The following KANSL1 variants were observed in gnomAD, a reference collection of about 807,000 sequenced individuals.
KANSL1 encodes the protein MLL1/MLL complex subunit KANSL1.
A neutral mutation model predicts 103.6 loss-of-function variants in KANSL1; 22 were observed. That is an observed-to-expected ratio of 0.21 (90% CI 0.15 to 0.30). KANSL1 has a LOEUF of 0.30. Among genes scored for constraint, KANSL1 ranks in the 10% least tolerant of loss-of-function variants. The pLI is 1.00. For synonymous variants in KANSL1, 600 were observed against 527.6 expected (o/e 1.14, Z -1.88); for missense variants, 1,337 against 1,399.8 (o/e 0.96, Z 0.72).
intron 6 of KANSL1, among the ~76,000 whole-genome samples, chr17:46,051,899 G>C (rs1390077975): frequency 1.3e-5 from 2 of 152,220 alleles, no homozygotes; most frequent in Admixed American, 1.3e-4. Context: ...ACCACATAGA[G>C]AGGTGGCACG....
chr17:46,123,015 C>T (rs1343518094), intron 2 of KANSL1, among the ~76,000 whole-genome samples: 2 of 152,220 alleles, frequency 1.3e-5, no homozygotes, highest in African/African-American at 4.8e-5. Flanking sequence ...CTACAGCTCT[C>T]GCTTTAAATC....
chr17:46,165,792 T>A (rs1321514955), intron 2 of KANSL1, among the ~76,000 whole-genome samples: 1 of 151,892 alleles, frequency 6.6e-6, no homozygotes, highest in Admixed American at 6.5e-5. Context: ...ATTACAGACA[T>A]GAGCCACCAA....
chr17:46,157,781 A>C (rs1221636874), intron 2 of KANSL1, among the ~76,000 whole-genome samples: 2 of 152,248 alleles, frequency 1.3e-5, no homozygotes, highest in Non-Finnish European at 2.9e-5. Flanking sequence ...AATGAGTCTT[A>C]AGCAAGCTTC....
chr17:46,108,782 G>A (rs2042678604), intron 2 of KANSL1, among the ~76,000 whole-genome samples: 1 of 152,124 alleles, frequency 6.6e-6, no homozygotes, highest in Admixed American at 6.5e-5. Flanking sequence ...CTCATCTGGT[G>A]CCAACAGACC....
chr17:46,045,775 G>A (rs1051675251), intron 7 of KANSL1: 2 of 152,288 alleles, frequency 1.3e-5, no homozygotes, highest in African/African-American at 2.4e-5. Context: ...CCTCTTAGTA[G>A]AGATGCTGAA....
In KANSL1 at chr17:46,039,157, C is replaced by T. The variant is rs141092796; in HGVS notation, c.2262G>A (p.Val754=). The change falls in exon 9 of 15, where the codon GTG becomes GTA. Residue 754 remains valine (V), a synonymous_variant. Transcript: ENST00000432791. ...CTCGCTCCACCATGGGCACGGCCCC[C>T]ACATCGTCTAAGTGCTGCCTGTGGG... ...DRTHRQHLDD[V]GAVPMVERVT... is the part of the protein sequence containing the mutation. 9 of 1,611,500 alleles carry T rather than the reference C, an allele frequency of 5.6e-6. No homozygotes were observed. The African/African-American group carries it at 1.1e-4, about 19-fold the overall frequency.
chr17:46,198,080 C>T (rs1439977125), upstream of KANSL1, among the ~76,000 whole-genome samples: 1 of 152,108 alleles, frequency 6.6e-6, no homozygotes, highest in Non-Finnish European at 1.5e-5. Context: ...TAGGACCTAG[C>T]CCAGGGCCTG....
chr17:46,101,495 T>TA (rs2042311930), intron 2 of KANSL1, among the ~76,000 whole-genome samples: 1 of 152,166 alleles, frequency 6.6e-6, no homozygotes, highest in South Asian at 2.1e-4. Flanking sequence ...CTCAGGCCTG[T>TA]AATCCCAGCA....
chr17:46,034,073 A>G (rs1366981092), intron 11 of KANSL1, 88 bp downstream of exon 11: 13 of 1,487,468 alleles, frequency 8.7e-6, no homozygotes, highest in Non-Finnish European at 9.2e-6. Context: ...ACCAAAGACT[A>G]GGGCCCAACT....
chr17:46,033,101 G>A lies in KANSL1; in HGVS notation c.2816C>T (p.Pro939Leu). Reference sequence around the variant, plus strand: ...TCACCTGCTGCCCCGCCGCTGGGGTGGCACACTCGTGGTCCACAGCCACCG... The same window carrying A: ...TCACCTGCTGCCCCGCCGCTGGGGTAGCACACTCGTGGTCCACAGCCACCG... The part of the protein sequence containing the change: ...RARWLWTTSV[P>L]PQRRGSRSYR... Residue 939 changes from proline to leucine, a missense_variant, in exon 13 of 15, where the codon CCA becomes CTA. Physicochemically the swap from Pro to Leu is moderately conservative, Grantham distance 98. Coordinates refer to ENST00000432791, the MANE Select transcript of KANSL1 (RefSeq NM_015443.4). The A allele has an allele frequency of 1.3e-6, 2 of 1,594,400 alleles. No individual in the cohort carries two copies. The highest frequency in any genetic ancestry group is 1.7e-6 in the Non-Finnish European group (2 of 1,169,950).
Position 46,067,666 on chromosome 17 carries a change from A to G in KANSL1, c.1535T>C (p.Ile512Thr). 1 of 1,490,942 alleles carries G rather than the reference A, an allele frequency of 6.7e-7. No individual in the cohort carries two copies. The highest frequency in any genetic ancestry group is 1.4e-5 in the African/African-American group (1 of 72,354). The allele number at this position is 1,490,942 out of a possible 1,614,324, so 92.4% of individuals were successfully genotyped here. The stretch of plus-strand genomic sequence containing the variant: ...TTCCAATGGCTGAGAAACAGACTCA[A>G]TCTGATTAAGAAAAAGGAAAAAAGA... ...VKTDHGTDKL[I>T]ESVSQPLENH... Residue 512 changes from isoleucine (I) to threonine (T), a missense_variant and splice_region_variant, in exon 5 of 15, where the codon ATT becomes ACT. By Grantham distance (89) the Ile-to-Thr change is moderately conservative. Coordinates refer to ENST00000432791, the MANE Select transcript of KANSL1 (RefSeq NM_015443.4).
chr17:46,099,256 G>A lies in KANSL1; in HGVS notation c.1290-4555C>T, dbSNP rs373837885. On this transcript the variant is annotated intron_variant, in intron 2 of 14. Transcript: ENST00000432791. ...GGAGAATGGCGTGAACCCGGAAGGCGGAGCTTGCAGTGAGCCGAGATTGCG... is the reference window on the plus strand; with the variant it reads ...GGAGAATGGCGTGAACCCGGAAGGCAGAGCTTGCAGTGAGCCGAGATTGCG... 1.7e-4 allele frequency among the ~76,000 whole-genome samples: 20 copies of A among 120,002 alleles called. No individual in the cohort carries two copies. In the East Asian group the frequency reaches 3.1e-3, roughly 19 times the overall value. 78.7% of individuals were successfully genotyped at this position (120,002 alleles called of 152,430 possible).
chr17:46,051,698 T>C (rs1402520293), intron 6 of KANSL1, among the ~76,000 whole-genome samples: 1 of 152,184 alleles, frequency 6.6e-6, no homozygotes, highest in Non-Finnish European at 1.5e-5. Context: ...GAAGGCATCC[T>C]AGGTGCAAGC....
At chr17:46,132,922 C>T (rs1261567883) in intron 2 of KANSL1, among the ~76,000 whole-genome samples, 2 of 139,528 alleles carry the variant, frequency 1.4e-5, no homozygotes, top group South Asian at 2.2e-4. Flanking sequence ...CCAGCTTGGG[C>T]GACACAGCAA....
chr17:46,147,479 T>G (rs1352024453), intron 2 of KANSL1, among the ~76,000 whole-genome samples: 5 of 147,146 alleles, frequency 3.4e-5, no homozygotes, highest in South Asian at 4.2e-4. Context: ...GAGGCTGAGA[T>G]AGAAGAATTG....
At chr17:46,215,951 A>T (rs1403632718) in intron 1 of KANSL1, among the ~76,000 whole-genome samples, 1 of 152,146 alleles carries the variant, frequency 6.6e-6, no homozygotes, top group Non-Finnish European at 1.5e-5. Flanking sequence ...GAGGCAAGAG[A>T]GTCGCTGGAA....
At chr17:46,203,284 C>A (rs1205164566) in intron 1 of KANSL1, among the ~76,000 whole-genome samples, 1 of 152,148 alleles carries the variant, frequency 6.6e-6, no homozygotes, top group Non-Finnish European at 1.5e-5. Context: ...TAGGAAAAAA[C>A]AACTACTCAC....
At chr17:46,150,925 G>A (rs2045054482) in intron 2 of KANSL1, among the ~76,000 whole-genome samples, 2 of 61,684 alleles carry the variant, frequency 3.2e-5, no homozygotes, top group South Asian at 5.3e-4. Flanking sequence ...TCCCTATTCT[G>A]TCAAAAAAAA....
chr17:46,068,168 G>C (rs1332301042), intron 4 of KANSL1, among the ~76,000 whole-genome samples: 1 of 152,156 alleles, frequency 6.6e-6, no homozygotes, highest in African/African-American at 2.4e-5. Flanking sequence ...ACTAACATCA[G>C]TATCAAGATG....
Sources: allele counts gnomAD v4.1 joint callset (sites outside exome capture counted in the v4.1 genomes callset), GRCh38; gene constraint gnomAD v4.1.1; transcripts MANE v1.5; gene names NCBI Gene and HGNC (gene_info 2026-07-23, HGNC 2026-07-21).